DOCK6: variants seen among roughly 807,000 people sequenced by gnomAD.
DOCK6 encodes dedicator of cytokinesis protein 6.
In DOCK6, 167 loss-of-function variants were observed where a neutral mutation model predicts 230.3. The observed-to-expected ratio is 0.73, with a 90% CI of 0.64 to 0.82. The LOEUF (loss-of-function observed/expected upper bound fraction) is 0.82. Among genes scored for constraint, DOCK6 ranks in the 40% least tolerant of loss-of-function variants. The pLI, the probability that DOCK6 is intolerant of heterozygous loss-of-function variation, is 0.00. For synonymous variants in DOCK6, 1,148 were observed against 1,185.0 expected (o/e 0.97, Z 0.64); for missense variants, 2,598 against 2,825.8 (o/e 0.92, Z 1.83).
rs965283779 is a variant in DOCK6, at chr19:11,236,985, C to A, written c.2074-106G>T. On this transcript the variant is annotated intron_variant, in intron 18 of 47. Transcript: ENST00000294618. This position sits in a 1 kb window ranked among gnomAD's most constrained non-coding sequence, Gnocchi z 5.2. ...CACTGCAGCGTGAGTGTAGCCCGGT[C>A]TGGGGGTGCAGCCAAGCACCCTGCC... is the stretch of plus-strand genomic sequence containing the variant. 1.6e-5 allele frequency: 19 copies of A among 1,223,538 alleles called. No homozygotes were observed. Among genetic ancestry groups the A allele is most frequent in the Admixed American group, 2.3e-5 (1 of 43,486 alleles). 75.8% of individuals were successfully genotyped at this position (1,223,538 alleles called of 1,614,324 possible). A position where few individuals can be genotyped will look rare whatever the true frequency, so the allele number is the denominator to read the frequency against.
intron 14 of DOCK6, chr19:11,238,968 A>G (rs962764986): frequency 1.3e-5 from 2 of 155,074 alleles, no homozygotes; most frequent in Non-Finnish European, 2.9e-5. Flanking sequence ...ACTGTGTGCC[A>G]GGCTCTGTTC....
At chr19:11,237,954 T>C in intron 16 of DOCK6, 91 bp downstream of exon 16, 2 of 1,485,058 alleles carry the variant, frequency 1.3e-6, no homozygotes, top group South Asian at 2.5e-5. Context: ...GTCCCCCATC[T>C]TCCCATCGAT....
rs556140712 is a variant in DOCK6, at chr19:11,243,847, C to G, written c.1059G>C (p.Glu353Asp). The G allele has an allele frequency of 6.8e-6, 11 of 1,612,772 alleles. No individual in the cohort carries two copies. In the Admixed American group the frequency reaches 1.2e-4, roughly 17 times the overall value. Reference protein sequence around the residue: ...EKVLQQGDISECCEPYMVLKE... With the variant: ...EKVLQQGDISDCCEPYMVLKE... Reference sequence around the variant, plus strand: ...TCAACACCATGTAAGGCTCACAGCACTCACTGATGTCCCCTTGCTGAAGCA... The same window carrying G: ...TCAACACCATGTAAGGCTCACAGCAGTCACTGATGTCCCCTTGCTGAAGCA... The change falls in exon 10 of 48, where the codon GAG becomes GAC. Residue 353 changes from glutamate to aspartate, a missense_variant. Glu to Asp is a conservative substitution (Grantham distance 45). Coordinates refer to ENST00000294618, the MANE Select transcript of DOCK6 (RefSeq NM_020812.4). The surrounding 1 kb of genome is among the most constrained non-coding windows in gnomAD (Gnocchi z 6.3).
chr19:11,244,594 G>A (rs1284148406), intron 9 of DOCK6, among the ~76,000 whole-genome samples: 1 of 151,358 alleles, frequency 6.6e-6, no homozygotes, highest in Admixed American at 6.6e-5. Flanking sequence ...CCAAGTAGCT[G>A]GGACTACAAG....
At chr19:11,207,757 G>A (rs904094299) in intron 39 of DOCK6, among the ~76,000 whole-genome samples, 21 of 151,228 alleles carry the variant, frequency 1.4e-4, no homozygotes, top group African/African-American at 5.1e-4. Context: ...GCAAAACCCC[G>A]TCTCTACAAA....
In DOCK6 at chr19:11,222,766, G is replaced by T; in HGVS notation, c.3209C>A (p.Pro1070His). Reference protein sequence around the residue: ...PCCPLSPPASPSPSVSSTTSQ... With the variant: ...PCCPLSPPASHSPSVSSTTSQ... ...GGTGGTGGAGGACACAGAGGGGGAG[G>T]GCGAGGCTGGAGGTGACAGGGGGCA... Residue 1070 changes from proline (P) to histidine (H), a missense_variant, in exon 26 of 48, where the codon CCC becomes CAC. Pro to His is a moderately conservative substitution (Grantham distance 77, BLOSUM62 -2). Transcript: ENST00000294618. This position sits in a 1 kb window ranked among gnomAD's most constrained non-coding sequence, Gnocchi z 4.0. The T allele has an allele frequency of 6.3e-7, 1 of 1,580,184 alleles. No homozygotes were observed. Among genetic ancestry groups the T allele is most frequent in the Non-Finnish European group, 8.6e-7 (1 of 1,163,488 alleles).
intron 23 of DOCK6, among the ~76,000 whole-genome samples, chr19:11,227,995 T>C (rs1191897919): frequency 6.7e-6 from 1 of 150,212 alleles, no homozygotes; most frequent in Non-Finnish European, 1.5e-5. Flanking sequence ...CTTACCTTGA[T>C]CAGAAAGCTT....
Position 11,199,421 on chromosome 19 carries a change from G to T in DOCK6, c.*76C>A, listed in dbSNP as rs746052512. 1.3e-6 allele frequency: 2 copies of T among 1,528,552 alleles called. No homozygotes were observed. Among genetic ancestry groups the T allele is most frequent in the Non-Finnish European group, 1.8e-6 (2 of 1,126,008 alleles). 94.7% of individuals were successfully genotyped at this position (1,528,552 alleles called of 1,614,324 possible). ...ACCCCACAGCCCAGTGGGCACCAGG[G>T]CAGACTCCCCTCGCAGCACAGACAG... On this transcript the variant is annotated 3_prime_UTR_variant, in exon 48 of 48. Transcript: ENST00000294618.
chr19:11,216,910 A>C lies in DOCK6; in HGVS notation c.3894+4T>G, dbSNP rs1479618686. 1.2e-6 allele frequency: 2 copies of C among 1,613,518 alleles called. No individual in the cohort carries two copies. The highest frequency in any genetic ancestry group is 2.7e-5 in the African/African-American group (2 of 74,886). ...TCCATCATCTCCTGCCCACGCCCTC[A>C]AACCTTGTACTCAAAGGCAGCTAGG... On this transcript the variant is annotated splice_donor_region_variant and intron_variant, in intron 30 of 47. Coordinates refer to ENST00000294618, the MANE Select transcript of DOCK6 (RefSeq NM_020812.4).
chr19:11,200,394 G>C lies in DOCK6; in HGVS notation c.6015C>G (p.Arg2005=). 1.2e-6 allele frequency: 2 copies of C among 1,607,030 alleles called. No homozygotes were observed. Among genetic ancestry groups the C allele is most frequent in the Admixed American group, 1.7e-5 (1 of 59,188 alleles). Residue 2005 remains arginine (R), a synonymous_variant, in exon 47 of 48, where the codon CGC becomes CGG. Transcript: ENST00000294618. The surrounding 1 kb of genome is among the most constrained non-coding windows in gnomAD (Gnocchi z 4.3). ...DQKEYHRELE[R]NYCRLREALQ... is the part of the protein sequence containing the mutation. ...GAGCCTCCCGCAGGCGGCAGTAGTT[G>C]CGCTCCAGCTCACGGTGGTACTCCT...
In DOCK6 at chr19:11,217,327, G is replaced by C. The variant is rs1187169777; in HGVS notation, c.3615C>G (p.Asp1205Glu). Residue 1205 changes from aspartate to glutamate, a missense_variant, in exon 29 of 48, where the codon GAC becomes GAG. Asp to Glu is a conservative substitution (Grantham distance 45, BLOSUM62 2). Coordinates refer to ENST00000294618, the MANE Select transcript of DOCK6 (RefSeq NM_020812.4). ...CAGAGGGGTTGATGGTACCCGCAAT[G>C]TCCCCTTCGCCTTCTGTGTCTGAGT... ...MLDSDTEGEGDIAGTINPSVA... is the reference protein window; with the variant it reads ...MLDSDTEGEGEIAGTINPSVA... The C allele has an allele frequency of 8.1e-6, 13 of 1,613,392 alleles. No individual in the cohort carries two copies. The highest frequency in any genetic ancestry group is 1.0e-5 in the Non-Finnish European group (12 of 1,179,762).
At chr19:11,241,593 TG>T in intron 14 of DOCK6, 3 of 1,556,134 alleles carry the variant, frequency 1.9e-6, no homozygotes, top group African/African-American at 2.7e-5. Context: ...GGCAGTTGGA[TG>T]GGGGGCGCAC....
At chr19:11,221,525 A>G (rs942133694) in intron 28 of DOCK6, 2 of 280,108 alleles carry the variant, frequency 7.1e-6, no homozygotes, top group Non-Finnish European at 1.4e-5. Context: ...GATGTTCCCT[A>G]CTTTTTGCTC....
chr19:11,213,360 A>G (rs1182358313), intron 34 of DOCK6, 32 bp from the exon 35 acceptor site: 4 of 1,598,248 alleles, frequency 2.5e-6, no homozygotes, highest in Non-Finnish European at 2.6e-6. Flanking sequence ...GACACTGTCC[A>G]GCCCCTCCCC....
chr19:11,202,630 T>C lies in DOCK6; in HGVS notation c.5315A>G (p.Lys1772Arg). The stretch of plus-strand genomic sequence containing the variant: ...TGCCAGCTTCGTGATCGATGGCTCC[T>C]TGTACACAAACTCCTGCTCATCCAG... ...GDLDEQEFVY[K>R]EPSITKLAEI... The change falls in exon 42 of 48, where the codon AAG becomes AGG. Residue 1772 changes from lysine (K) to arginine (R), a missense_variant. Physicochemically the swap from Lys to Arg is conservative, Grantham distance 26. Transcript: ENST00000294618. This position sits in a 1 kb window ranked among gnomAD's most constrained non-coding sequence, Gnocchi z 5.3. 6.2e-7 allele frequency: 1 copy of C among 1,614,020 alleles called. No individual in the cohort carries two copies. Among genetic ancestry groups the C allele is most frequent in the South Asian group, 1.1e-5 (1 of 91,086 alleles).
Position 11,242,119 on chromosome 19 carries a change from G to A in DOCK6, c.1569C>T (p.Asp523=), listed in dbSNP as rs748242445. Reference sequence around the variant, plus strand: ...TCTCCTTGGTGGGCCGGCCCCTGGGGTCCGGGTAGGGCTTGATATGAAGCA... The same window carrying A: ...TCTCCTTGGTGGGCCGGCCCCTGGGATCCGGGTAGGGCTTGATATGAAGCA... ...PELLHIKPYP[D]PRGRPTKEIL... The change falls in exon 14 of 48, where the codon GAC becomes GAT. Residue 523 remains aspartate, a synonymous_variant. Coordinates refer to ENST00000294618, the MANE Select transcript of DOCK6 (RefSeq NM_020812.4). The A allele has an allele frequency of 3.3e-6, 5 of 1,515,532 alleles. No homozygotes were observed. The South Asian group carries it at 6.8e-5, about 21-fold the overall frequency. 93.9% of individuals were successfully genotyped at this position (1,515,532 alleles called of 1,614,324 possible). A position where few individuals can be genotyped will look rare whatever the true frequency, so the allele number is the denominator to read the frequency against.
In DOCK6 at chr19:11,216,972, G is replaced by T; in HGVS notation, c.3836C>A (p.Pro1279His). The change falls in exon 30 of 48, where the codon CCC becomes CAC. Residue 1279 changes from proline to histidine, a missense_variant. Transcript: ENST00000294618. ...CAAATCCAACAGACGTCCCAGCTGG[G>T]GGAGTGTCAGGTCAGTGGCCCAGCG... ...LQRWATDLTLPQLGRLLDLLY... is the reference protein window; with the variant it reads ...LQRWATDLTLHQLGRLLDLLY... 6.2e-7 allele frequency: 1 copy of T among 1,613,756 alleles called. No homozygotes were observed.
chr19:11,225,640 C>G (rs1796921216), intron 24 of DOCK6, among the ~76,000 whole-genome samples: 1 of 151,626 alleles, frequency 6.6e-6, no homozygotes, highest in Non-Finnish European at 1.5e-5. Context: ...TACAGTGAGC[C>G]ATGATCACAC....
At position 11,244,451 on chromosome 19, in the gene DOCK6, CT is replaced by C. The variant is rs56722117; in HGVS notation, c.1024-570del. ...TACAGGCATGACCCACCACACCTGG[CT>C]TTTTTTTTTTTTTTTTTTTTTTTTT... On this transcript the variant is annotated intron_variant, in intron 9 of 47. Coordinates refer to ENST00000294618, the MANE Select transcript of DOCK6 (RefSeq NM_020812.4). 9.3e-3 allele frequency among the ~76,000 whole-genome samples: 373 copies of C among 40,234 alleles called. 1 individual carries two copies. Among genetic ancestry groups the C allele is most frequent in the African/African-American group, 0.044 (331 of 7,446 alleles). 26.4% of individuals were successfully genotyped at this position (40,234 alleles called of 152,430 possible).
Sources: allele counts gnomAD v4.1 joint callset (sites outside exome capture counted in the v4.1 genomes callset), GRCh38; gene constraint gnomAD v4.1.1; non-coding constraint Gnocchi (gnomAD v3.1); transcripts MANE v1.5; gene names NCBI Gene and HGNC (gene_info 2026-07-23, HGNC 2026-07-21).